Variants in STARD9 observed in about 807,000 individuals in gnomAD.
STARD9 encodes the protein stAR-related lipid transfer protein 9.
STARD9 carries 346 observed loss-of-function variants against 399.8 expected under a neutral mutation model. That is an observed-to-expected ratio of 0.87 (90% CI 0.79 to 0.95). The LOEUF (loss-of-function observed/expected upper bound fraction) is 0.95. STARD9 is among the 40% of genes least tolerant of loss of function. STARD9 has a pLI of 0.00. For synonymous variants in STARD9, 2,203 were observed against 2,143.5 expected (o/e 1.03, Z -0.77); for missense variants, 5,832 against 5,667.5 (o/e 1.03, Z -0.93).
intron 26 of STARD9, among the ~76,000 whole-genome samples, chr15:42,707,491 A>G (rs1044188323): frequency 8.2e-5 from 12 of 146,454 alleles, no homozygotes; most frequent in Admixed American, 8.2e-4. Flanking sequence ...TTTTTTTGAG[A>G]CAGAGTCTTG....
rs1252969638 is a variant in STARD9, at chr15:42,688,794, G to A, written c.7216G>A (p.Ala2406Thr). 1 of 1,537,476 alleles carries A rather than the reference G, an allele frequency of 6.5e-7. No individual in the cohort carries two copies. Among genetic ancestry groups the A allele is most frequent in the South Asian group, 1.2e-5 (1 of 84,062 alleles). ...VRGRSSEAHTAWCGSVRSMAM... is the reference protein window; with the variant it reads ...VRGRSSEAHTTWCGSVRSMAM... ...AGGGCGTTCCTCTGAGGCACACACT[G>A]CCTGGTGTGGGTCTGTGCGATCCAT... Residue 2406 changes from alanine to threonine, a missense_variant, in exon 23 of 33, where the codon GCC (alanine) becomes ACC (threonine). Transcript: ENST00000290607.
intron 26 of STARD9, among the ~76,000 whole-genome samples, chr15:42,710,561 A>G (rs78562640): frequency 0.025 from 3,755 of 152,286 alleles, 95 homozygotes; most frequent in Non-Finnish European, 0.036. Context: ...GACATTTCAT[A>G]TAAATGGAAT....
chr15:42,687,975 A>T lies in STARD9; in HGVS notation c.6397A>T (p.Met2133Leu), dbSNP rs2060602338. 1 of 1,537,352 alleles carries T rather than the reference A, an allele frequency of 6.5e-7. No homozygotes were observed. The highest frequency in any genetic ancestry group is 1.2e-5 in the South Asian group (1 of 84,066). Reference sequence around the variant, plus strand: ...CTTTAGGGATAGTGAAGCTGGAGCGATGGAGGTTAACAGCATTGGGAACCA... The same window carrying T: ...CTTTAGGGATAGTGAAGCTGGAGCGTTGGAGGTTAACAGCATTGGGAACCA... ...TVFRDSEAGAMEVNSIGNHPQ... is the reference protein window; with the variant it reads ...TVFRDSEAGALEVNSIGNHPQ... Residue 2133 changes from methionine to leucine, a missense_variant, in exon 23 of 33, where the codon ATG (methionine) becomes TTG (leucine). This residue lies in a region of STARD9 where 5,828 missense variants were observed against 5,651.1 expected (regional missense o/e 1.03). Transcript: ENST00000290607.
intron 3 of STARD9, among the ~76,000 whole-genome samples, chr15:42,627,463 T>A (rs1287574676): frequency 6.6e-6 from 1 of 152,216 alleles, no homozygotes; most frequent in African/African-American, 2.4e-5. Flanking sequence ...CCCGTTATGC[T>A]CTTAAAGTTA....
intron 11 of STARD9, 28 bp from the exon 12 acceptor site, chr15:42,663,253 C>G: frequency 6.6e-7 from 1 of 1,512,426 alleles, no homozygotes; most frequent in South Asian, 1.2e-5. Context: ...TTCCTTCTTT[C>G]TTCCATTTTC....
chr15:42,653,323 A>AAAAT (rs2141998148), intron 9 of STARD9, among the ~76,000 whole-genome samples: 1 of 152,314 alleles, frequency 6.6e-6, no homozygotes, highest in South Asian at 2.1e-4. Context: ...CTGTGGTCTG[A>AAAAT]AAATAGATTA....
At chr15:42,642,533 A>C (rs1278736958) in intron 7 of STARD9, among the ~76,000 whole-genome samples, 2 of 152,196 alleles carry the variant, frequency 1.3e-5, no homozygotes, top group Non-Finnish European at 2.9e-5. Flanking sequence ...GAACTTGAGA[A>C]AAATTCTGTA....
intron 1 of STARD9, among the ~76,000 whole-genome samples, chr15:42,575,979 G>C (rs749575630): frequency 3.9e-5 from 6 of 152,240 alleles, no homozygotes; most frequent in Non-Finnish European, 8.8e-5. Context: ...GGCCGCGGGA[G>C]GGCTGCCCTG....
chr15:42,636,391 G>A (rs1471585407), intron 4 of STARD9, among the ~76,000 whole-genome samples: 1 of 152,074 alleles, frequency 6.6e-6, no homozygotes, highest in African/African-American at 2.4e-5. Context: ...GGCCAGCCTG[G>A]CCAATATGGT....
chr15:42,663,436 A>G lies in STARD9; in HGVS notation c.1024A>G (p.Thr342Ala), dbSNP rs1165277488. ...SYIPYRDSVL[T>A]WLLKDSLGGN... ...TATCCCATACCGAGACTCTGTGTTG[A>G]CCTGGCTGCTGAAGGACAGCCTTGG... The change falls in exon 12 of 33, where the codon ACC (threonine) becomes GCC (alanine). Residue 342 changes from threonine to alanine, a missense_variant. Coordinates refer to ENST00000290607, the MANE Select transcript of STARD9 (RefSeq NM_020759.3). 6.5e-7 allele frequency: 1 copy of G among 1,537,128 alleles called. No individual in the cohort carries two copies. The highest frequency in any genetic ancestry group is 8.7e-7 in the Non-Finnish European group (1 of 1,146,920).
At chr15:42,593,255 T>C (rs1255393274) in intron 3 of STARD9, among the ~76,000 whole-genome samples, 1 of 152,188 alleles carries the variant, frequency 6.6e-6, no homozygotes, top group Non-Finnish European at 1.5e-5. Flanking sequence ...GAAAACTAAC[T>C]TCCCTCCCTT....
intron 26 of STARD9, among the ~76,000 whole-genome samples, chr15:42,708,161 A>C (rs1392992937): frequency 6.6e-6 from 1 of 152,214 alleles, no homozygotes; most frequent in Non-Finnish European, 1.5e-5. Flanking sequence ...TCAAAAAAAA[A>C]AAATTTCTTT....
chr15:42,649,132 C>T (rs1005057434), intron 7 of STARD9, among the ~76,000 whole-genome samples: 5 of 151,920 alleles, frequency 3.3e-5, no homozygotes, highest in African/African-American at 7.3e-5. Context: ...TGGGTTCAAG[C>T]GATTCTCTTG....
In STARD9 at chr15:42,692,828, A is replaced by G. The variant is rs1337908036; in HGVS notation, c.11250A>G (p.Ser3750=). The change falls in exon 23 of 33, where the codon TCA becomes TCG. Residue 3750 remains serine, a synonymous_variant. Transcript: ENST00000290607. ...LTLPTLCLQT[S]EAEPQGANVI... ...TACCCACCCTGTGCCTCCAGACTTC[A>G]GAGGCTGAACCTCAGGGAGCCAATG... 2.0e-6 allele frequency: 3 copies of G among 1,537,134 alleles called. No individual in the cohort carries two copies. Among genetic ancestry groups the G allele is most frequent in the Admixed American group, 3.9e-5 (2 of 50,984 alleles).
chr15:42,583,394 G>A lies in STARD9; in HGVS notation c.96G>A (p.Val32=). The A allele has an allele frequency of 6.5e-7, 1 of 1,536,868 alleles. No individual in the cohort carries two copies. The highest frequency in any genetic ancestry group is 8.7e-7 in the Non-Finnish European group (1 of 1,146,660). ...TTATTGTGGAAGTTGATGGCAAAGT[G>A]GCAAAAATCAGGAATTTAAAGGTAA... ...GRIIVEVDGK[V]AKIRNLKVDN... Residue 32 remains valine (V), a synonymous_variant, in exon 2 of 33, where the codon GTG becomes GTA. Coordinates refer to ENST00000290607, the MANE Select transcript of STARD9 (RefSeq NM_020759.3).
At chr15:42,622,844 A>G (rs111315571) in intron 3 of STARD9, among the ~76,000 whole-genome samples, 63 of 152,342 alleles carry the variant, frequency 4.1e-4, no homozygotes, top group Admixed American at 1.2e-3. Context: ...TTATGGTGAT[A>G]CAGTCCTGGG....
intron 2 of STARD9, 27 bp from the exon 3 acceptor site, chr15:42,585,494 G>T (rs1446557981): frequency 6.8e-7 from 1 of 1,465,050 alleles, no homozygotes; most frequent in Non-Finnish European, 9.2e-7. Context: ...TGATAGAAAA[G>T]ACACTGGATC....
At chr15:42,635,385 A>G (rs2059400359) in intron 4 of STARD9, among the ~76,000 whole-genome samples, 1 of 150,292 alleles carries the variant, frequency 6.7e-6, no homozygotes, top group Admixed American at 6.6e-5. Flanking sequence ...GCTGGAGTGC[A>G]GTGGCGCAAT....
chr15:42,651,200 G>C, intron 8 of STARD9, 115 bp downstream of exon 8: 1 of 656,632 alleles, frequency 1.5e-6, no homozygotes, highest in Non-Finnish European at 2.4e-6. Context: ...GTGTAGAGAT[G>C]TTCACAACCA....
Sources: gnomAD v4.1 joint callset for allele counts (sites outside exome capture counted in the v4.1 genomes callset) on GRCh38, gnomAD v4.1.1 for gene constraint, gnomAD v4.1.1 regional missense constraint, MANE v1.5 for transcripts, NCBI Gene and HGNC (gene_info 2026-07-23, HGNC 2026-07-21) for gene names.